ZC3H12D: variants seen among roughly 807,000 people sequenced by gnomAD.
ZC3H12D encodes the protein zinc finger CCCH-type containing 12D.
In ZC3H12D, 11 loss-of-function variants were observed where a neutral mutation model predicts 24.2. The observed-to-expected ratio is 0.46, with a 90% CI of 0.29 to 0.75. The LOEUF is 0.75. Among genes scored for constraint, ZC3H12D ranks in the 30% least tolerant of loss-of-function variants. The pLI, the probability that ZC3H12D is intolerant of heterozygous loss-of-function variation, is 0.11. For missense variants in ZC3H12D, 740 were observed against 767.7 expected (o/e 0.96, Z 0.43); for synonymous variants, 333 against 341.8 (o/e 0.97, Z 0.28).
At position 149,452,665 on chromosome 6, in the gene ZC3H12D, C is replaced by G; in HGVS notation, c.738G>C (p.Leu246=). The change falls in exon 5 of 6, where the codon CTG becomes CTC. Residue 246 remains leucine, a synonymous_variant. Transcript: ENST00000409806. The surrounding 1 kb of genome is among the most constrained non-coding windows in gnomAD (Gnocchi z 4.0). The part of the protein sequence containing the change: ...GRHGPSLSNF[L]SRKPKPPEPS... ...GCTCTGGGGGCTTCGGCTTCCTGCTCAGGAAGTTGCTCAGGGAGGGTCCAT... is the reference window on the plus strand; with the variant it reads ...GCTCTGGGGGCTTCGGCTTCCTGCTGAGGAAGTTGCTCAGGGAGGGTCCAT... The G allele has an allele frequency of 6.2e-7, 1 of 1,608,156 alleles. No individual in the cohort carries two copies. The highest frequency in any genetic ancestry group is 1.7e-4 in the Middle Eastern group (1 of 6,048).
intron 3 of ZC3H12D, among the ~76,000 whole-genome samples, chr6:149,461,352 AAAG>A (rs34651748): frequency 2.7e-4 from 40 of 147,430 alleles, no homozygotes; most frequent in Admixed American, 1.5e-3. Context: ...AAAAAAAAAA[AAAG>A]AAGAAGAAGA....
At position 149,452,861 on chromosome 6, in the gene ZC3H12D, A is replaced by C; in HGVS notation, c.681-139T>G. 11 of 729,636 alleles carry C rather than the reference A, an allele frequency of 1.5e-5. No individual in the cohort carries two copies. The highest frequency in any genetic ancestry group is 5.4e-5 in the East Asian group (2 of 36,906). 45.2% of individuals were successfully genotyped at this position (729,636 alleles called of 1,614,324 possible). ...GCCCACCATCACCCAGCAGGATGTC[A>C]CAGCATCTTAAAGCAAAACCTTCCC... On this transcript the variant is annotated intron_variant, in intron 4 of 5. Transcript: ENST00000409806. This position sits in a 1 kb window ranked among gnomAD's most constrained non-coding sequence, Gnocchi z 4.0.
chr6:149,473,750 T>G (rs533939122), intron 2 of ZC3H12D, among the ~76,000 whole-genome samples: 1 of 152,088 alleles, frequency 6.6e-6, no homozygotes, highest in African/African-American at 2.4e-5. Context: ...GCTCATAACC[T>G]TGAGAGAGTA....
intron 1 of ZC3H12D, among the ~76,000 whole-genome samples, chr6:149,482,589 G>C (rs186600322): frequency 6.6e-6 from 1 of 152,152 alleles, no homozygotes; most frequent in Admixed American, 6.5e-5. Flanking sequence ...GGGGCCCCAC[G>C]GCTGGAACAG....
At position 149,456,307 on chromosome 6, in the gene ZC3H12D, A is replaced by G. The variant is rs1775978612; in HGVS notation, c.680+359T>C. On this transcript the variant is annotated intron_variant, in intron 4 of 5. Coordinates refer to ENST00000409806, the MANE Select transcript of ZC3H12D (RefSeq NM_207360.3). The surrounding 1 kb of genome is among the most constrained non-coding windows in gnomAD (Gnocchi z 4.3). ...ATAAGACAAAAACCTGAAATAAGTG[A>G]AAAGCAATACAACAAAGTACAGATC... 6.6e-6 allele frequency among the ~76,000 whole-genome samples: 1 copy of G among 152,236 alleles called. No homozygotes were observed. Among genetic ancestry groups the G allele is most frequent in the Admixed American group, 6.5e-5 (1 of 15,284 alleles).
At chr6:149,465,765 A>G (rs1776149603) in intron 2 of ZC3H12D, among the ~76,000 whole-genome samples, 1 of 120,946 alleles carries the variant, frequency 8.3e-6, no homozygotes, top group African/African-American at 4.0e-5. Context: ...AAAAAAAAAA[A>G]AGGGGGGGGG....
At position 149,451,292 on chromosome 6, in the gene ZC3H12D, T is replaced by A. The variant is rs1775889880; in HGVS notation, c.975A>T (p.Pro325=). ...GCGCCGGCGGGAGGCTGTGCGCAAATGGTTCCCGGGGGGCCGCCCGGGCTC... is the reference window on the plus strand; with the variant it reads ...GCGCCGGCGGGAGGCTGTGCGCAAAAGGTTCCCGGGGGGCCGCCCGGGCTC... ...SAGARAAPRE[P]FAHSLPPARG... Residue 325 remains proline (P), a synonymous_variant, in exon 6 of 6, where the codon CCA becomes CCT. Transcript: ENST00000409806. 2.3e-6 allele frequency: 3 copies of A among 1,315,502 alleles called. No homozygotes were observed. The highest frequency in any genetic ancestry group is 4.2e-5 in the Admixed American group (1 of 23,808). The allele number at this position is 1,315,502 out of a possible 1,614,324, so 81.5% of individuals were successfully genotyped here.
At chr6:149,465,601 A>G (rs79785801) in intron 2 of ZC3H12D, among the ~76,000 whole-genome samples, 3,128 of 151,972 alleles carry the variant, frequency 0.021, 76 homozygotes, top group South Asian at 0.11. Flanking sequence ...AAAAATACAA[A>G]AAATTTAGCT....
In ZC3H12D at chr6:149,474,343, C is replaced by G; in HGVS notation, c.201G>C (p.Pro67=). Residue 67 remains proline, a synonymous_variant, in exon 2 of 6, where the codon CCG becomes CCC. Coordinates refer to ENST00000409806, the MANE Select transcript of ZC3H12D (RefSeq NM_207360.3). The stretch of plus-strand genomic sequence containing the variant: ...TCCCCGGGCCACGCTGGGCAGAGTC[C>G]GGGACCCCACAGGAGCCCCGAGGCA... ...RLVPRGSCGV[P]DSAQRGPGTA... 6.2e-7 allele frequency: 1 copy of G among 1,605,488 alleles called. No homozygotes were observed. The highest frequency in any genetic ancestry group is 8.5e-7 in the Non-Finnish European group (1 of 1,174,250).
intron 1 of ZC3H12D, among the ~76,000 whole-genome samples, chr6:149,480,700 C>T (rs1211432106): frequency 5.9e-5 from 9 of 152,086 alleles, no homozygotes; most frequent in Non-Finnish European, 1.5e-5. Context: ...CGCGCCATTG[C>T]ACTCCAGCCT....
At chr6:149,459,595 C>T (rs748728270) in intron 3 of ZC3H12D, 3 of 694,524 alleles carry the variant, frequency 4.3e-6, no homozygotes, top group East Asian at 2.7e-5. Flanking sequence ...CGGGCAAAAT[C>T]GGGATGACTA....
In ZC3H12D at chr6:149,447,819, G is replaced by C. The variant is rs982709317; in HGVS notation, c.*2864C>G. 1.1e-4 allele frequency: 17 copies of C among 151,978 alleles called. No homozygotes were observed. The highest frequency in any genetic ancestry group is 4.1e-4 in the African/African-American group (17 of 41,434). 9.4% of individuals were successfully genotyped at this position (151,978 alleles called of 1,614,324 possible). A position where few individuals can be genotyped will look rare whatever the true frequency, so the allele number is the denominator to read the frequency against. ...TTTTTGTACTTGTCTTATTCACAGTGAATCAAATAAAACAGCTTTACAGCT... is the reference window on the plus strand; with the variant it reads ...TTTTTGTACTTGTCTTATTCACAGTCAATCAAATAAAACAGCTTTACAGCT... On this transcript the variant is annotated 3_prime_UTR_variant, in exon 6 of 6. Coordinates refer to ENST00000409806, the MANE Select transcript of ZC3H12D (RefSeq NM_207360.3).
rs1562470006 is a variant in ZC3H12D, at chr6:149,449,953, G to GTGTGTGTGTT, written c.*729_*730insAACACACACA. 1 of 153,580 alleles carries GTGTGTGTGTT rather than the reference G, an allele frequency of 6.5e-6. No individual in the cohort carries two copies. Among genetic ancestry groups the GTGTGTGTGTT allele is most frequent in the African/African-American group, 2.4e-5 (1 of 41,394 alleles). The allele number at this position is 153,580 out of a possible 1,614,324, so 9.5% of individuals were successfully genotyped here. On this transcript the variant is annotated 3_prime_UTR_variant, in exon 6 of 6. Coordinates refer to ENST00000409806, the MANE Select transcript of ZC3H12D (RefSeq NM_207360.3). ...TGTGTGTGTGTGTGTGTGTGTGTGT[G>GTGTGTGTGTT]TGTTTGTGTGGTGGGGGTATGTGTG... is the stretch of plus-strand genomic sequence containing the variant.
chr6:149,457,944 G>A (rs1183892145), intron 3 of ZC3H12D, among the ~76,000 whole-genome samples: 1 of 152,016 alleles, frequency 6.6e-6, no homozygotes, highest in Admixed American at 6.6e-5. Flanking sequence ...TTGAGAAATA[G>A]GAGGTGGCTC....
At chr6:149,472,432 T>TGA (rs1329790093) in intron 2 of ZC3H12D, among the ~76,000 whole-genome samples, 1 of 152,030 alleles carries the variant, frequency 6.6e-6, no homozygotes, top group African/African-American at 2.4e-5. Context: ...AGCCAGTGTG[T>TGA]GAGAACATTT....
At chr6:149,460,220 T>A (rs1776050064) in intron 3 of ZC3H12D, among the ~76,000 whole-genome samples, 1 of 152,236 alleles carries the variant, frequency 6.6e-6, no homozygotes, top group South Asian at 2.1e-4. Context: ...ACCAACATGA[T>A]GTTCAAAGCA....
In ZC3H12D at chr6:149,451,042, G is replaced by C; in HGVS notation, c.1225C>G (p.Leu409Val). ...TGTTCGCCCCGCGGCTGGAGCTGCA[G>C]GCCGGGCGGAGGCGGGAGGTCGCCC... is the stretch of plus-strand genomic sequence containing the variant. ...SPGDLPPPPG[L>V]QLQPRGEHRP... The change falls in exon 6 of 6, where the codon CTG (leucine) becomes GTG (valine). Residue 409 changes from leucine (L) to valine (V), a missense_variant. Transcript: ENST00000409806. The C allele has an allele frequency of 7.0e-7, 1 of 1,427,888 alleles. No homozygotes were observed. Among genetic ancestry groups the C allele is most frequent in the South Asian group, 1.5e-5 (1 of 65,140 alleles). 88.5% of individuals were successfully genotyped at this position (1,427,888 alleles called of 1,614,324 possible).
At chr6:149,475,783 C>CA (rs1554270232) in intron 1 of ZC3H12D, among the ~76,000 whole-genome samples, 7 of 150,852 alleles carry the variant, frequency 4.6e-5, no homozygotes, top group Admixed American at 6.6e-5. Flanking sequence ...TGACCTACAC[C>CA]GGGGGTTGGG....
chr6:149,451,235 C>G lies in ZC3H12D; in HGVS notation c.1032G>C (p.Gly344=). The change falls in exon 6 of 6, where the codon GGG becomes GGC. Residue 344 remains glycine (G), a synonymous_variant. Coordinates refer to ENST00000409806, the MANE Select transcript of ZC3H12D (RefSeq NM_207360.3). ...CGCTGAAGGCCAGCCGAGAGAAGCT[C>G]CCTCGCAGGGCGGCCAGGTCCGGGG... ...RGSPDLAALR[G]SFSRLAFSDD... 1 of 1,300,338 alleles carries G rather than the reference C, an allele frequency of 7.7e-7. No homozygotes were observed. The highest frequency in any genetic ancestry group is 2.5e-5 in the South Asian group (1 of 39,658). 80.6% of individuals were successfully genotyped at this position (1,300,338 alleles called of 1,614,324 possible).
Sources: gnomAD v4.1 joint callset for allele counts (sites outside exome capture counted in the v4.1 genomes callset) on GRCh38, gnomAD v4.1.1 for gene constraint, Gnocchi (gnomAD v3.1) non-coding constraint, MANE v1.5 for transcripts, NCBI Gene and HGNC (gene_info 2026-07-23, HGNC 2026-07-21) for gene names.